Variants in IL17RD observed in about 807,000 individuals in gnomAD.
The protein encoded by IL17RD is interleukin-17 receptor D.
A neutral mutation model predicts 80.5 loss-of-function variants in IL17RD; 52 were observed. The ratio of observed to expected loss-of-function variants is 0.65; its 90% CI spans 0.52 to 0.81. The LOEUF is 0.81. Ranked by LOEUF, IL17RD falls within the 40% of genes least tolerant of loss-of-function variation. IL17RD has a pLI of 0.00. For missense variants in IL17RD, 1,024 were observed against 955.1 expected, an observed-to-expected ratio of 1.07 and a Z score of -0.95; for synonymous variants, 416 against 391.8, an observed-to-expected ratio of 1.06 and a Z score of -0.73.
At chr3:57,101,892 C>T (rs1232791942) in intron 10 of IL17RD, among the ~76,000 whole-genome samples, 2 of 152,158 alleles carry the variant, frequency 1.3e-5, no homozygotes, top group African/African-American at 4.8e-5. Flanking sequence ...TTGTAAATGA[C>T]CAAGCCCTAC....
chr3:57,146,042 C>T (rs191235900), intron 1 of IL17RD, among the ~76,000 whole-genome samples: 2,137 of 148,482 alleles, frequency 0.014, 57 homozygotes, highest in African/African-American at 0.049. Context: ...CGCGCGCGCG[C>T]GCGCACACAC....
intron 1 of IL17RD, among the ~76,000 whole-genome samples, chr3:57,162,721 G>A (rs1414034342): frequency 6.6e-6 from 1 of 152,180 alleles, no homozygotes; most frequent in Non-Finnish European, 1.5e-5. Context: ...GATTTAGCAG[G>A]AAGGCAGCAG....
Position 57,091,890 on chromosome 3 carries a change from A to G in IL17RD, c.*4503T>C, listed in dbSNP as rs1706563172. The G allele has an allele frequency of 6.6e-6, 1 of 152,236 alleles. No individual in the cohort carries two copies. The highest frequency in any genetic ancestry group is 1.5e-5 in the Non-Finnish European group (1 of 68,036). The allele number at this position is 152,236 out of a possible 1,614,324, so 9.4% of individuals were successfully genotyped here. On this transcript the variant is annotated 3_prime_UTR_variant, in exon 13 of 13. Transcript: ENST00000296318. ...AGGGGGAGAATATGCTAGATAATCT[A>G]AACTCTCTCCTAGTCCCTAAACTCT...
intron 1 of IL17RD, among the ~76,000 whole-genome samples, chr3:57,163,802 AAGGGGGT>A (rs2060324880): frequency 1.4e-4 from 1 of 7,378 alleles, no homozygotes; most frequent in African/African-American, 6.4e-4. Context: ...GCGGGGGGGG[AAGGGGGT>A]GGCGGGGGCG....
At chr3:57,144,078 T>C (rs1276308043) in intron 1 of IL17RD, among the ~76,000 whole-genome samples, 1 of 152,178 alleles carries the variant, frequency 6.6e-6, no homozygotes, top group Non-Finnish European at 1.5e-5. Flanking sequence ...CAGGGCAGAA[T>C]GAGGGCAAAG....
intron 3 of IL17RD, 87 bp from the exon 4 acceptor site, chr3:57,110,398 C>G: frequency 2.1e-6 from 3 of 1,399,314 alleles, no homozygotes; most frequent in Non-Finnish European, 2.9e-6. Flanking sequence ...ATCTTCTCTA[C>G]CTACACACCA....
chr3:57,129,402 A>G (rs1707560795), intron 1 of IL17RD, among the ~76,000 whole-genome samples: 1 of 152,236 alleles, frequency 6.6e-6, no homozygotes, highest in Non-Finnish European at 1.5e-5. Flanking sequence ...CTAAGCTGAG[A>G]GGAAATGTTC....
intron 7 of IL17RD, among the ~76,000 whole-genome samples, chr3:57,105,551 A>AC (rs1559468455): frequency 9.0e-6 from 1 of 110,820 alleles, no homozygotes; most frequent in Non-Finnish European, 1.7e-5. Context: ...AAAAAAAAAA[A>AC]AATATATATA....
intron 1 of IL17RD, among the ~76,000 whole-genome samples, chr3:57,124,889 C>T (rs1707417353): frequency 6.6e-6 from 1 of 152,180 alleles, no homozygotes; most frequent in Non-Finnish European, 1.5e-5. Flanking sequence ...TGTGTTCTCC[C>T]CAACCCAAGC....
Position 57,127,315 on chromosome 3 carries a change from AAAATATAT to A in IL17RD, c.127-7010_127-7003del, listed in dbSNP as rs1559477071. 2.3e-4 allele frequency among the ~76,000 whole-genome samples: 19 copies of A among 81,246 alleles called. 1 individual carries two copies. Among genetic ancestry groups the A allele is most frequent in the African/African-American group, 1.4e-3 (19 of 13,832 alleles). The allele number at this position is 81,246 out of a possible 152,430, so 53.3% of individuals were successfully genotyped here. On this transcript the variant is annotated intron_variant, in intron 1 of 12. Transcript: ENST00000296318. ...ATATAAATATATATAAAAATATATA[AAAATATAT>A]ATAAATATATATAAAAATATATATA...
rs1020792642 is a variant in IL17RD at position 57,093,213 on chromosome 3, G to A, written c.*3180C>T. ...ACCTGCTATACTGGTGACCACTGAA[G>A]GTATAAGATCTGCTAAATAAGAGCA... On this transcript the variant is annotated 3_prime_UTR_variant, in exon 13 of 13. Transcript: ENST00000296318. 1.3e-5 allele frequency: 2 copies of A among 151,962 alleles called. No individual in the cohort carries two copies. Among genetic ancestry groups the A allele is most frequent in the Admixed American group, 6.6e-5 (1 of 15,262 alleles). The allele number at this position is 151,962 out of a possible 1,614,324, so 9.4% of individuals were successfully genotyped here.
At chr3:57,112,950 T>G (rs141152561) in intron 3 of IL17RD, among the ~76,000 whole-genome samples, 1 of 152,226 alleles carries the variant, frequency 6.6e-6, no homozygotes, top group Non-Finnish European at 1.5e-5. Flanking sequence ...TCTCTGAAAA[T>G]GTACCATGTG....
chr3:57,148,324 C>CAAAAAAAAAA (rs34343372), intron 1 of IL17RD, among the ~76,000 whole-genome samples: 1 of 104,074 alleles, frequency 9.6e-6, no homozygotes, highest in Non-Finnish European at 2.0e-5. Context: ...GACTCTATCT[C>CAAAAAAAAAA]AAAAAAAAAA....
intron 1 of IL17RD, among the ~76,000 whole-genome samples, chr3:57,159,574 C>A (rs1471716831): frequency 1.3e-5 from 2 of 152,216 alleles, no homozygotes; most frequent in Non-Finnish European, 2.9e-5. Context: ...CCCAGGAGGA[C>A]AATGCCTCCC....
intron 1 of IL17RD, among the ~76,000 whole-genome samples, chr3:57,127,349 AATATATATAAAT>A (rs1707506974): frequency 3.9e-5 from 4 of 101,580 alleles, no homozygotes; most frequent in African/African-American, 2.4e-4. Context: ...AATATATATA[AATATATATAAAT>A]ATAAATATAT....
chr3:57,160,381 T>C, intron 1 of IL17RD, among the ~76,000 whole-genome samples: 1 of 152,146 alleles, frequency 6.6e-6, no homozygotes, highest in South Asian at 2.1e-4. Context: ...GTTCTTTCCT[T>C]TGTTGGGAAG....
intron 1 of IL17RD, among the ~76,000 whole-genome samples, chr3:57,149,006 T>C (rs956049516): frequency 5.9e-5 from 9 of 152,148 alleles, no homozygotes; most frequent in African/African-American, 2.2e-4. Context: ...GGTGCTATCT[T>C]TGGAGAAGAA....
Position 57,165,148 on chromosome 3 carries a change from G to T in IL17RD, c.126+13C>A. 2 of 1,516,962 alleles carry T rather than the reference G, an allele frequency of 1.3e-6. No individual in the cohort carries two copies. Among genetic ancestry groups the T allele is most frequent in the Non-Finnish European group, 1.8e-6 (2 of 1,135,240 alleles). The allele number at this position is 1,516,962 out of a possible 1,614,324, so 94.0% of individuals were successfully genotyped here. On this transcript the variant is annotated intron_variant, in intron 1 of 12. Coordinates refer to ENST00000296318, the MANE Select transcript of IL17RD (RefSeq NM_017563.5). Reference sequence around the variant, plus strand: ...AGTTGGCGACGGCAAGAAACCCGCCGCCCTCGCCTTACCCTCCAGCCACAG... The same window carrying T: ...AGTTGGCGACGGCAAGAAACCCGCCTCCCTCGCCTTACCCTCCAGCCACAG...
chr3:57,102,248 C>G (rs909778946), intron 10 of IL17RD, among the ~76,000 whole-genome samples: 1 of 152,182 alleles, frequency 6.6e-6, no homozygotes, highest in Admixed American at 6.5e-5. Context: ...CTAGCCTGGG[C>G]AACAGAGCGA....
Sources: gnomAD v4.1 joint callset for allele counts (sites outside exome capture counted in the v4.1 genomes callset) on GRCh38, gnomAD v4.1.1 for gene constraint, MANE v1.5 for transcripts, NCBI Gene and HGNC (gene_info 2026-07-23, HGNC 2026-07-21) for gene names.